The following NTPCR variants were observed in gnomAD, a reference collection of about 807,000 sequenced individuals.
NTPCR encodes the protein nucleoside-triphosphatase, cancer-related.
Under a neutral mutation model 19.5 loss-of-function variants are expected in NTPCR, and 15 were observed. The ratio of observed to expected loss-of-function variants is 0.77; its 90% CI spans 0.51 to 1.18. The LOEUF (loss-of-function observed/expected upper bound fraction) is 1.18, where lower values mean the gene tolerates loss of function less well. Ranked by LOEUF, NTPCR falls within the 50% of genes most tolerant of loss-of-function variation. The pLI is 0.00. For synonymous variants in NTPCR, 90 were observed against 95.8 expected (o/e 0.94, Z 0.36); for missense variants, 206 against 240.4 (o/e 0.86, Z 0.95).
At chr1:232,950,914 A>G (rs1017777733) in intron 1 of NTPCR, 170 bp downstream of exon 1, 9 of 573,798 alleles carry the variant, frequency 1.6e-5, no homozygotes, top group East Asian at 1.3e-4. Context: ...TCCTTCCCGG[A>G]AAACGTGATT....
rs922115232 is a variant in NTPCR, at chr1:232,980,060, G to C, written c.*1829G>C. The stretch of plus-strand genomic sequence containing the variant: ...TTCTGGTGCTTGTCCTTTTGAGCTT[G>C]GTGTTTCAGCCGTGTCTGTTTTGTA... On this transcript the variant is annotated 3_prime_UTR_variant, in exon 5 of 5. Transcript: ENST00000366628. The C allele has an allele frequency of 5.4e-4, 82 of 152,340 alleles. No homozygotes were observed. Among genetic ancestry groups the C allele is most frequent in the African/African-American group, 1.9e-3 (79 of 41,562 alleles). The allele number at this position is 152,340 out of a possible 1,614,324, so 9.4% of individuals were successfully genotyped here.
At chr1:232,973,893 GT>G (rs1425723581) in intron 4 of NTPCR, among the ~76,000 whole-genome samples, 1 of 152,152 alleles carries the variant, frequency 6.6e-6, no homozygotes, top group Non-Finnish European at 1.5e-5. Context: ...AAAAGAAAAA[GT>G]AATGAACAAA....
chr1:232,951,945 A>G (rs955155747), intron 1 of NTPCR, among the ~76,000 whole-genome samples: 4 of 152,172 alleles, frequency 2.6e-5, no homozygotes, highest in Non-Finnish European at 5.9e-5. Context: ...TGTTTTATTA[A>G]TGGAGGTGTC....
chr1:232,955,739 G>A lies in NTPCR; in HGVS notation c.197+20G>A. The A allele has an allele frequency of 6.2e-7, 1 of 1,611,540 alleles. No homozygotes were observed. Among genetic ancestry groups the A allele is most frequent in the Non-Finnish European group, 8.5e-7 (1 of 1,178,114 alleles). On this transcript the variant is annotated intron_variant, in intron 2 of 4. Coordinates refer to ENST00000366628, the MANE Select transcript of NTPCR (RefSeq NM_032324.3). ...AGTTGGGTACTGATATTTCATTTCT[G>A]TGGTGTTCTATTATCTAAGCTCCCC...
chr1:232,954,374 G>A (rs536363227), intron 1 of NTPCR, among the ~76,000 whole-genome samples: 1 of 152,210 alleles, frequency 6.6e-6, no homozygotes, highest in Non-Finnish European at 1.5e-5. Context: ...TTATGTCAAG[G>A]AGGCTTAAAA....
At chr1:232,974,541 AAAAAG>A (rs1163973511) in intron 4 of NTPCR, among the ~76,000 whole-genome samples, 1 of 152,234 alleles carries the variant, frequency 6.6e-6, no homozygotes, top group African/African-American at 2.4e-5. Context: ...AAATAGCTGA[AAAAAG>A]AAAAGAAAGA....
intron 2 of NTPCR, 35 bp from the exon 3 acceptor site, chr1:232,956,312 T>C (rs1016384153): frequency 6.7e-7 from 1 of 1,502,522 alleles, no homozygotes; most frequent in Admixed American, 1.7e-5. Flanking sequence ...AATACAGGAG[T>C]TTTTCAACAA....
chr1:232,982,082 C>T lies in NTPCR; in HGVS notation c.*3851C>T, dbSNP rs1669298553. The T allele has an allele frequency of 6.6e-6, 1 of 152,170 alleles. No individual in the cohort carries two copies. Among genetic ancestry groups the T allele is most frequent in the Non-Finnish European group, 1.5e-5 (1 of 68,028 alleles). 9.4% of individuals were successfully genotyped at this position (152,170 alleles called of 1,614,324 possible). A position where few individuals can be genotyped will look rare whatever the true frequency, so the allele number is the denominator to read the frequency against. On this transcript the variant is annotated 3_prime_UTR_variant, in exon 5 of 5. Coordinates refer to ENST00000366628, the MANE Select transcript of NTPCR (RefSeq NM_032324.3). ...ATACTGGCAGAATATTTGAACAACT[C>T]TAGCAAGAAATGTCAGTTTAGGGAT...
In NTPCR at chr1:232,954,455, G is replaced by T. The variant is rs572211332; in HGVS notation, c.35-1102G>T. ...CTCAAAATAGCTCACTTGCAGACAT[G>T]CTAGGAGTTTTCTCTCTCTTTCCAT... On this transcript the variant is annotated intron_variant, in intron 1 of 4. Coordinates refer to ENST00000366628, the MANE Select transcript of NTPCR (RefSeq NM_032324.3). Among the ~76,000 whole-genome samples, 27 of 152,308 alleles carry T rather than the reference G, an allele frequency of 1.8e-4. No individual in the cohort carries two copies. The South Asian group carries it at 5.6e-3, about 32-fold the overall frequency.
intron 3 of NTPCR, among the ~76,000 whole-genome samples, chr1:232,956,751 G>A (rs1482441738): frequency 6.6e-6 from 1 of 152,068 alleles, no homozygotes; most frequent in Non-Finnish European, 1.5e-5. Context: ...TGGTTTCACA[G>A]CACAACAAAC....
chr1:232,972,123 G>A (rs988289578), intron 4 of NTPCR, among the ~76,000 whole-genome samples: 2 of 152,054 alleles, frequency 1.3e-5, no homozygotes, highest in African/African-American at 4.8e-5. Flanking sequence ...CATTTCTTCC[G>A]CTCTCTGAGA....
intron 1 of NTPCR, chr1:232,951,091 C>T (rs111673707): frequency 7.6e-6 from 2 of 263,124 alleles, no homozygotes; most frequent in Non-Finnish European, 1.4e-5. Context: ...GCGGCAACCG[C>T]GATGTGAAGT....
chr1:232,960,124 G>T (rs995707484), intron 3 of NTPCR, among the ~76,000 whole-genome samples: 6 of 142,938 alleles, frequency 4.2e-5, no homozygotes, highest in Admixed American at 7.4e-5. Flanking sequence ...TGAAGCAGGA[G>T]AATCGCTTGA....
chr1:232,968,575 G>T (rs776512413), intron 3 of NTPCR: 2 of 152,184 alleles, frequency 1.3e-5, no homozygotes, highest in African/African-American at 4.8e-5. Context: ...TGCCTTCGAA[G>T]GCCTTTAGGA....
At chr1:232,951,967 AT>A (rs1305686698) in intron 1 of NTPCR, among the ~76,000 whole-genome samples, 1 of 152,128 alleles carries the variant, frequency 6.6e-6, no homozygotes, top group Non-Finnish European at 1.5e-5. Context: ...TGTTACCGTG[AT>A]TGTATTGATG....
Position 232,955,685 on chromosome 1 carries a change from T to C in NTPCR, c.163T>C (p.Leu55=), listed in dbSNP as rs1444687251. The part of the protein sequence containing the change: ...GRRIGFDVVT[L]SGTRGPLSRV... ...AAGAATAGGATTCGATGTCGTCACGTTGTCCGGCACCCGGGGGCCTTTATC... is the reference window on the plus strand; with the variant it reads ...AAGAATAGGATTCGATGTCGTCACGCTGTCCGGCACCCGGGGGCCTTTATC... Residue 55 remains leucine, a synonymous_variant, in exon 2 of 5, where the codon TTG becomes CTG. Coordinates refer to ENST00000366628, the MANE Select transcript of NTPCR (RefSeq NM_032324.3). 1 of 1,614,066 alleles carries C rather than the reference T, an allele frequency of 6.2e-7. No individual in the cohort carries two copies.
intron 3 of NTPCR, chr1:232,963,243 A>G (rs997429723): frequency 6.6e-6 from 1 of 152,224 alleles, no homozygotes; most frequent in African/African-American, 2.4e-5. Context: ...AAATGAGGTG[A>G]AAATTCAGCA....
At chr1:232,964,859 ATTGATGAAAATTT>A (rs1188393673) in intron 3 of NTPCR, 8 of 152,228 alleles carry the variant, frequency 5.3e-5, no homozygotes, top group Non-Finnish European at 1.2e-4. Context: ...AAGCTTAAAT[ATTGATGAAAATTT>A]TTACTAAGCA....
At chr1:232,969,841 A>T in intron 3 of NTPCR, 68 bp from the exon 4 acceptor site, 1 of 1,263,034 alleles carries the variant, frequency 7.9e-7, no homozygotes, top group Admixed American at 1.7e-5. Context: ...GTGATTGGGG[A>T]GTGGGACCCA....
Sources: allele counts gnomAD v4.1 joint callset (sites outside exome capture counted in the v4.1 genomes callset), GRCh38; gene constraint gnomAD v4.1.1; transcripts MANE v1.5; gene names NCBI Gene and HGNC (gene_info 2026-07-23, HGNC 2026-07-21).